Variants in RFC3 observed in about 807,000 individuals in gnomAD.
The protein encoded by RFC3 is A1 38 kDa subunit.
RFC3 carries 41 observed loss-of-function variants against 45.1 expected under a neutral mutation model. That is an observed-to-expected ratio of 0.91 (90% CI 0.71 to 1.18). The LOEUF (loss-of-function observed/expected upper bound fraction) is 1.18, where lower values mean the gene tolerates loss of function less well. Ranked by LOEUF, RFC3 falls within the 50% of genes most tolerant of loss-of-function variation. The pLI is 0.00. For missense variants in RFC3, 423 were observed against 428.1 expected (o/e 0.99, Z 0.10); for synonymous variants, 149 against 144.0 (o/e 1.03, Z -0.25).
intron 8 of RFC3, among the ~76,000 whole-genome samples, chr13:33,908,163 A>G (rs1388743814): frequency 1.3e-5 from 2 of 151,994 alleles, no homozygotes; most frequent in Non-Finnish European, 1.5e-5. Flanking sequence ...CACTGCATTT[A>G]TCTGAAAAAA....
At chr13:33,876,292 A>G (rs4943161) in intron 8 of RFC3, among the ~76,000 whole-genome samples, 138,411 of 152,244 alleles carry the variant, frequency 0.91, 63,040 homozygotes, top group Non-Finnish European at 0.94. Flanking sequence ...GGTCTGTCCT[A>G]TCAGGGAACT....
intron 8 of RFC3, among the ~76,000 whole-genome samples, chr13:33,924,735 A>G (rs2082792430): frequency 2.0e-5 from 3 of 148,336 alleles, no homozygotes; most frequent in South Asian, 2.1e-4. Context: ...GTGTATATAT[A>G]TATATATATC....
At chr13:33,934,592 G>A in intron 8 of RFC3, among the ~76,000 whole-genome samples, 1 of 152,082 alleles carries the variant, frequency 6.6e-6, no homozygotes, top group Non-Finnish European at 1.5e-5. Flanking sequence ...TGGTGTCCCA[G>A]ATTCCCAGTT....
At chr13:33,844,574 A>C (rs913361148) in intron 8 of RFC3, among the ~76,000 whole-genome samples, 2 of 152,164 alleles carry the variant, frequency 1.3e-5, no homozygotes, top group Non-Finnish European at 2.9e-5. Flanking sequence ...TGAGGTTGCT[A>C]TCAGGTTTGC....
intron 8 of RFC3, among the ~76,000 whole-genome samples, chr13:33,943,983 C>T (rs2082939948): frequency 1.3e-5 from 2 of 152,118 alleles, no homozygotes; most frequent in Non-Finnish European, 2.9e-5. Flanking sequence ...AATTAATTGA[C>T]CTGCTTCTAG....
intron 8 of RFC3, chr13:33,849,952 T>G (rs7993243): frequency 0.89 from 135,453 of 152,236 alleles, 60,531 homozygotes; most frequent in Non-Finnish European, 0.94. Context: ...CAATCAACTG[T>G]CTCCTGGGTT....
At chr13:33,976,295 G>T in the RFC3 span, among the ~76,000 whole-genome samples, 536 of 152,240 alleles carry the variant, frequency 3.5e-3, 3 homozygotes, top group African/African-American at 0.012. Context: ...AATGGAACTG[G>T]AAGTCATTAT....
intron 8 of RFC3, among the ~76,000 whole-genome samples, chr13:33,933,611 AC>A (rs1211802665): frequency 2.0e-5 from 3 of 152,140 alleles, no homozygotes; most frequent in Non-Finnish European, 4.4e-5. Context: ...TTAATAATGT[AC>A]AAAGTATTTC....
intron 8 of RFC3, among the ~76,000 whole-genome samples, chr13:33,944,156 A>G (rs79833080): frequency 0.017 from 2,593 of 152,208 alleles, 54 homozygotes; most frequent in African/African-American, 0.056. Context: ...TATTTTGTGT[A>G]TTTGTGTCCT....
intron 8 of RFC3, among the ~76,000 whole-genome samples, chr13:33,880,443 G>T (rs189235958): frequency 6.6e-6 from 1 of 152,090 alleles, no homozygotes; most frequent in East Asian, 1.9e-4. Flanking sequence ...AGTCATTGTG[G>T]GTTGCTCTAG....
intron 8 of RFC3, among the ~76,000 whole-genome samples, chr13:33,965,424 C>T (rs1325438762): frequency 6.6e-6 from 1 of 152,106 alleles, no homozygotes; most frequent in Admixed American, 6.5e-5. Context: ...AGCCTAGGAG[C>T]TATACCAAAT....
intron 7 of RFC3, among the ~76,000 whole-genome samples, chr13:33,832,686 G>A (rs1488247567): frequency 6.6e-6 from 1 of 152,122 alleles, no homozygotes; most frequent in East Asian, 1.9e-4. Context: ...TTTGTAAAAT[G>A]TTGATTATCA....
rs1162158577 is a variant in RFC3, at chr13:33,886,769, A to T, written c.879+51552A>T. ...ATTTAGCATTAGGTATATCTCCTAA[A>T]GCTATCCCTCCCCCCTCCCCCCACC... On this transcript the variant is annotated intron_variant, in intron 8 of 8. Transcript: ENST00000434425. Among the ~76,000 whole-genome samples the T allele has an allele frequency of 3.0e-3, 417 of 137,692 alleles. 4 individuals are homozygous for T. The highest frequency in any genetic ancestry group is 5.2e-3 in the Non-Finnish European group (333 of 63,624). The allele number at this position is 137,692 out of a possible 152,430, so 90.3% of individuals were successfully genotyped here. A position where few individuals can be genotyped will look rare whatever the true frequency, so the allele number is the denominator to read the frequency against.
At chr13:33,835,377 G>A in intron 8 of RFC3, 160 bp downstream of exon 8, 1 of 742,628 alleles carries the variant, frequency 1.3e-6, no homozygotes, top group South Asian at 1.4e-5. Flanking sequence ...GGCACTATTA[G>A]AGGAATGCTG....
At chr13:33,890,054 T>C (rs2082553867) in intron 8 of RFC3, among the ~76,000 whole-genome samples, 1 of 152,102 alleles carries the variant, frequency 6.6e-6, no homozygotes, top group Admixed American at 6.5e-5. Context: ...ATGTATCTGT[T>C]AGTACGTTGG....
At chr13:33,833,451 T>C (rs1048011266) in intron 7 of RFC3, among the ~76,000 whole-genome samples, 2 of 152,140 alleles carry the variant, frequency 1.3e-5, no homozygotes, top group Non-Finnish European at 2.9e-5. Flanking sequence ...AGTTCTAGGA[T>C]ACCCATGTTT....
At chr13:33,937,967 G>A (rs943089695) in intron 8 of RFC3, among the ~76,000 whole-genome samples, 1 of 152,008 alleles carries the variant, frequency 6.6e-6, no homozygotes, top group Non-Finnish European at 1.5e-5. Flanking sequence ...ACAAGACAAT[G>A]CCCCATTGTG....
intron 8 of RFC3, among the ~76,000 whole-genome samples, chr13:33,905,671 T>A (rs944521375): frequency 3.9e-5 from 6 of 152,086 alleles, no homozygotes; most frequent in African/African-American, 1.2e-4. Context: ...TGAAGCTCAG[T>A]GTCTTACACC....
chr13:33,974,875 CA>C, the RFC3 span, among the ~76,000 whole-genome samples: 1 of 152,070 alleles, frequency 6.6e-6, no homozygotes, highest in African/African-American at 2.4e-5. Flanking sequence ...GCAGCAACAA[CA>C]ACAACAAAAC....
Sources: allele counts gnomAD v4.1 joint callset (sites outside exome capture counted in the v4.1 genomes callset), GRCh38; gene constraint gnomAD v4.1.1; transcripts MANE v1.5; gene names NCBI Gene and HGNC (gene_info 2026-07-23, HGNC 2026-07-21).